The following PIGG variants were observed in gnomAD, a reference collection of about 807,000 sequenced individuals.
The protein encoded by PIGG is GPI ethanolamine phosphate transferase 2, catalytic subunit.
In PIGG, 70 loss-of-function variants were observed where a neutral mutation model predicts 83.2. The observed-to-expected ratio is 0.84, with a 90% CI of 0.69 to 1.03. The LOEUF (loss-of-function observed/expected upper bound fraction) is 1.03, where lower values mean the gene tolerates loss of function less well. Ranked by LOEUF, PIGG falls within the 50% of genes least tolerant of loss-of-function variation. PIGG has a pLI of 0.00. For missense variants in PIGG, 1,257 were observed against 1,233.6 expected (o/e 1.02, Z -0.28); for synonymous variants, 532 against 519.5 (o/e 1.02, Z -0.33).
chr4:520,840 A>T (rs10029104), intron 6 of PIGG, among the ~76,000 whole-genome samples: 5 of 152,134 alleles, frequency 3.3e-5, no homozygotes, highest in African/African-American at 1.2e-4. Context: ...CTGCATCGCC[A>T]GAGGGCAGAT....
rs746855999 is a variant in PIGG at position 521,712 on chromosome 4, A to G, written c.1385A>G (p.Glu462Gly). The change falls in exon 8 of 13, where the codon GAG (glutamate) becomes GGG (glycine). Residue 462 changes from glutamate to glycine, a missense_variant. Coordinates refer to ENST00000453061, the MANE Select transcript of PIGG (RefSeq NM_001127178.3). ...CCACAGGCACTGCGCAGAAAGGCTG[A>G]GCTGGAAGTCCCACTGTCATCTCCT... ...SVPQALRRKA[E>G]LEVPLSSPGF... 3.7e-6 allele frequency: 6 copies of G among 1,613,956 alleles called. No individual in the cohort carries two copies. The highest frequency in any genetic ancestry group is 5.1e-6 in the Non-Finnish European group (6 of 1,179,990).
intron 11 of PIGG, 95 bp downstream of exon 11, chr4:530,840 T>A (rs1728877526): frequency 1.2e-6 from 1 of 821,056 alleles, no homozygotes; most frequent in Non-Finnish European, 2.0e-6. Flanking sequence ...AGTTGGAAAG[T>A]GACTGTCAGT....
At position 530,489 on chromosome 4, in the gene PIGG, C is replaced by T. The variant is rs769044460; in HGVS notation, c.2315C>T (p.Thr772Met). 1.4e-5 allele frequency: 22 copies of T among 1,613,410 alleles called. No homozygotes were observed. Among genetic ancestry groups the T allele is most frequent in the Admixed American group, 1.0e-4 (6 of 59,996 alleles). Reference sequence around the variant, plus strand: ...GTCTTTGTCCTTGGCATTCTGTTCACGGGCACCAAAGACTTACTTAAATCT... The same window carrying T: ...GTCTTTGTCCTTGGCATTCTGTTCATGGGCACCAAAGACTTACTTAAATCT... ...VYVFVLGILF[T>M]GTKDLLKSQV... The change falls in exon 11 of 13, where the codon ACG becomes ATG. Residue 772 changes from threonine to methionine, a missense_variant. Thr to Met is a moderately conservative substitution (Grantham distance 81). Transcript: ENST00000453061.
chr4:537,532 T>C (rs757832678), intron 12 of PIGG, among the ~76,000 whole-genome samples: 1 of 152,146 alleles, frequency 6.6e-6, no homozygotes, highest in African/African-American at 2.4e-5. Flanking sequence ...AGGAGGTGTA[T>C]TGAGGATACC....
intron 5 of PIGG, among the ~76,000 whole-genome samples, chr4:514,601 T>C (rs983289168): frequency 2.6e-5 from 4 of 152,228 alleles, no homozygotes; most frequent in Admixed American, 2.0e-4. Context: ...CTCTGAGTGG[T>C]TGGTCATTGT....
intron 1 of PIGG, chr4:499,841 C>G: frequency 3.3e-6 from 2 of 612,428 alleles, no homozygotes; most frequent in Non-Finnish European, 4.5e-6. Flanking sequence ...TTTTTGCCCC[C>G]TAGCACACAA....
Position 528,217 on chromosome 4 carries a change from A to G in PIGG, c.2261+987A>G, listed in dbSNP as rs1560359966. The G allele has an allele frequency of 1.0e-6, 1 of 984,600 alleles. No individual in the cohort carries two copies. The highest frequency in any genetic ancestry group is 1.2e-6 in the Non-Finnish European group (1 of 829,432). 61.0% of individuals were successfully genotyped at this position (984,600 alleles called of 1,614,324 possible). On this transcript the variant is annotated intron_variant, in intron 10 of 12. Coordinates refer to ENST00000453061, the MANE Select transcript of PIGG (RefSeq NM_001127178.3). The surrounding 1 kb of genome is among the most constrained non-coding windows in gnomAD (Gnocchi z 4.8). ...GAACAGGTATGACCCCAGCTTACTA[A>G]TTGTGTACCTGTTTTTTTTTTCATA... is the stretch of plus-strand genomic sequence containing the variant.
chr4:523,118 C>T (rs1405846421), intron 8 of PIGG, among the ~76,000 whole-genome samples: 1 of 152,166 alleles, frequency 6.6e-6, no homozygotes, highest in African/African-American at 2.4e-5. Context: ...TGGGCAAGCT[C>T]TCTGGGCTGC....
chr4:522,336 C>G, intron 8 of PIGG: 1 of 422,346 alleles, frequency 2.4e-6, no homozygotes, highest in South Asian at 3.5e-5. Flanking sequence ...TCGGCCTGGA[C>G]ACTCAGGAGG....
intron 12 of PIGG, among the ~76,000 whole-genome samples, chr4:536,019 G>A (rs1296916849): frequency 1.3e-5 from 2 of 152,182 alleles, no homozygotes; most frequent in Non-Finnish European, 2.9e-5. Context: ...ACGCACACCC[G>A]TGCCTGCCTT....
chr4:514,189 A>G (rs976719574), intron 5 of PIGG, among the ~76,000 whole-genome samples: 3 of 152,166 alleles, frequency 2.0e-5, no homozygotes, highest in Non-Finnish European at 2.9e-5. Flanking sequence ...CCGTGCCCAC[A>G]CTCATTTCCC....
chr4:525,353 G>A (rs1316819601), intron 9 of PIGG: 13 of 985,442 alleles, frequency 1.3e-5, no homozygotes, highest in Non-Finnish European at 1.6e-5. Flanking sequence ...TGAAGACTTA[G>A]GAAACTAAAG....
chr4:531,305 G>C (rs1164491323), intron 11 of PIGG: 3 of 167,844 alleles, frequency 1.8e-5, no homozygotes, highest in Admixed American at 6.4e-5. Flanking sequence ...GAGCAGGCCA[G>C]ATGGGGCCTC....
chr4:500,260 C>T (rs1717149906), intron 1 of PIGG, 136 bp from the exon 2 acceptor site: 3 of 653,298 alleles, frequency 4.6e-6, no homozygotes, highest in East Asian at 5.4e-5. Flanking sequence ...AAGTACAAGT[C>T]GCCTCCTTTT....
At chr4:504,617 A>G (rs1224105417) in intron 2 of PIGG, among the ~76,000 whole-genome samples, 1 of 152,026 alleles carries the variant, frequency 6.6e-6, no homozygotes, top group Non-Finnish European at 1.5e-5. Context: ...TCATACTTGC[A>G]TTTATTTATC....
At position 527,279 on chromosome 4, in the gene PIGG, A is replaced by T. The variant is rs7697650; in HGVS notation, c.2261+49A>T. 0.99 allele frequency: 1,504,789 copies of T among 1,512,860 alleles called. 748,736 individuals carry two copies. Among genetic ancestry groups the T allele is most frequent in the East Asian group, 1 (43,340 of 43,340 alleles). 93.7% of individuals were successfully genotyped at this position (1,512,860 alleles called of 1,614,324 possible). A position where few individuals can be genotyped will look rare whatever the true frequency, so the allele number is the denominator to read the frequency against. On this transcript the variant is annotated intron_variant, in intron 10 of 12. Coordinates refer to ENST00000453061, the MANE Select transcript of PIGG (RefSeq NM_001127178.3). ...TGCATAGAGCCACTTTACTGTTTGA[A>T]GAACTGGCGGACACGGGGCGCGTGG...
chr4:516,704 A>G (rs112437102), intron 6 of PIGG, among the ~76,000 whole-genome samples: 9 of 152,152 alleles, frequency 5.9e-5, no homozygotes, highest in African/African-American at 1.9e-4. Context: ...AAAAATACAA[A>G]AATTAGCCAG....
chr4:539,037 G>A (rs563655688), intron 12 of PIGG, 116 bp from the exon 13 acceptor site: 52 of 664,288 alleles, frequency 7.8e-5, no homozygotes, highest in Middle Eastern at 8.4e-4. Flanking sequence ...GAAGGAACGC[G>A]GTGCCCTCTA....
In PIGG at chr4:523,464, C is replaced by T. The variant is rs374910240; in HGVS notation, c.1620C>T (p.Pro540=). The stretch of plus-strand genomic sequence containing the variant: ...GTGCACTTTCCTTTTCACAGAACCC[C>T]ATGCATCCCAGCTCAAGGTGGTCAG... ...LVGGNTPRKN[P]MHPSSRWSEL... The change falls in exon 9 of 13, where the codon CCC becomes CCT. Residue 540 remains proline, a synonymous_variant. Transcript: ENST00000453061. 17 of 1,602,558 alleles carry T rather than the reference C, an allele frequency of 1.1e-5. No homozygotes were observed. The African/African-American group carries it at 1.7e-4, about 16-fold the overall frequency.
Sources: gnomAD v4.1 joint callset for allele counts (sites outside exome capture counted in the v4.1 genomes callset) on GRCh38, gnomAD v4.1.1 for gene constraint, Gnocchi (gnomAD v3.1) non-coding constraint, MANE v1.5 for transcripts, NCBI Gene and HGNC (gene_info 2026-07-23, HGNC 2026-07-21) for gene names.